Variants in TCF20 observed in about 807,000 individuals in gnomAD.
The protein encoded by TCF20 is transcription factor 20.
A neutral mutation model predicts 148.6 loss-of-function variants in TCF20; 3 were observed. The observed-to-expected ratio is 0.02, with a 90% confidence interval of 0.01 to 0.05. The LOEUF (loss-of-function observed/expected upper bound fraction) is 0.05, where lower values mean the gene tolerates loss of function less well. Among genes scored for constraint, TCF20 ranks in the 10% least tolerant of loss-of-function variants. The pLI, the probability that TCF20 is intolerant of heterozygous loss-of-function variation, is 1.00. For synonymous variants in TCF20, 1,049 were observed against 909.5 expected (o/e 1.15, Z -2.76); for missense variants, 2,350 against 2,429.3 (o/e 0.97, Z 0.69).
chr22:42,173,671 G>A (rs1470994632), intron 3 of TCF20, among the ~76,000 whole-genome samples: 4 of 152,180 alleles, frequency 2.6e-5, no homozygotes. Flanking sequence ...CAAGAAGACT[G>A]TGTGGAATAA....
intron 2 of TCF20, among the ~76,000 whole-genome samples, chr22:42,193,038 G>C (rs148992782): frequency 3.0e-4 from 45 of 152,236 alleles, no homozygotes; most frequent in Admixed American, 2.0e-3. Context: ...GAAAGTTTTA[G>C]AACTATTGGT....
At chr22:42,227,112 G>A (rs1025665181) in intron 1 of TCF20, among the ~76,000 whole-genome samples, 7 of 152,090 alleles carry the variant, frequency 4.6e-5, no homozygotes, top group Non-Finnish European at 8.8e-5. Flanking sequence ...GTGAAACCCC[G>A]TCTCTACTAA....
chr22:42,340,738 G>A (rs1165607859), intron 1 of TCF20, among the ~76,000 whole-genome samples: 9 of 152,084 alleles, frequency 5.9e-5, no homozygotes, highest in Non-Finnish European at 1.0e-4. Flanking sequence ...TCATCAGGAC[G>A]CACAGCAAGG....
upstream of TCF20, among the ~76,000 whole-genome samples, chr22:42,287,376 A>G (rs1263371336): frequency 1.3e-5 from 2 of 152,140 alleles, no homozygotes; most frequent in African/African-American, 4.8e-5. Context: ...AGGCCCAGAG[A>G]ACGGAACTGA....
chr22:42,216,982 G>C (rs1167683596), intron 1 of TCF20, among the ~76,000 whole-genome samples: 1 of 152,200 alleles, frequency 6.6e-6, no homozygotes, highest in Non-Finnish European at 1.5e-5. Flanking sequence ...GGTAAAGTGA[G>C]GTGTAATAGA....
At chr22:42,227,622 G>C (rs1017275830) in intron 1 of TCF20, among the ~76,000 whole-genome samples, 1 of 152,132 alleles carries the variant, frequency 6.6e-6, no homozygotes, top group Admixed American at 6.5e-5. Flanking sequence ...TCTAGTCCAG[G>C]AGTCTACCCC....
intron 1 of TCF20, among the ~76,000 whole-genome samples, chr22:42,323,903 A>ATGGAGGTTATGGCGGTGGT (rs1927790276): frequency 1.8e-4 from 3 of 16,874 alleles, no homozygotes; most frequent in African/African-American, 2.3e-4. Flanking sequence ...ATGGTGGTGG[A>ATGGAGGTTATGGCGGTGGT]GGTGGTGGTG....
At chr22:42,304,204 A>C (rs549428704) in intron 1 of TCF20, among the ~76,000 whole-genome samples, 158 of 152,168 alleles carry the variant, frequency 1.0e-3, no homozygotes, top group Non-Finnish European at 1.3e-3. Context: ...AAGGGAGAAA[A>C]TATACAGCCA....
At chr22:42,167,425 G>T (rs1012548831) in intron 5 of TCF20, among the ~76,000 whole-genome samples, 4 of 152,206 alleles carry the variant, frequency 2.6e-5, no homozygotes, top group African/African-American at 9.7e-5. Context: ...CGACACAGAA[G>T]TCCTCCCATT....
At chr22:42,331,591 G>C (rs1005048812) in intron 1 of TCF20, among the ~76,000 whole-genome samples, 1 of 152,242 alleles carries the variant, frequency 6.6e-6, no homozygotes, top group African/African-American at 2.4e-5. Context: ...TTGGAGCTCT[G>C]AGGCTGTGGT....
At chr22:42,318,961 GACCT>G (rs1927684000) in intron 1 of TCF20, among the ~76,000 whole-genome samples, 1 of 152,178 alleles carries the variant, frequency 6.6e-6, no homozygotes, top group South Asian at 2.1e-4. Context: ...GCACTGCCCT[GACCT>G]GAGATCACTC....
chr22:42,271,338 C>T (rs1926612883), upstream of TCF20, among the ~76,000 whole-genome samples: 1 of 152,244 alleles, frequency 6.6e-6, no homozygotes, highest in East Asian at 1.9e-4. Flanking sequence ...TCTGCTGCGG[C>T]ATTAAGAAGC....
chr22:42,324,867 G>T (rs958022784), intron 1 of TCF20, among the ~76,000 whole-genome samples: 11 of 152,226 alleles, frequency 7.2e-5, no homozygotes, highest in African/African-American at 2.7e-4. Flanking sequence ...AGGACCCAGA[G>T]GCCCTGAGGG....
intron 2 of TCF20, among the ~76,000 whole-genome samples, chr22:42,188,454 G>C (rs987366275): frequency 6.6e-6 from 1 of 152,128 alleles, no homozygotes. Flanking sequence ...TTATTCTACT[G>C]AATGTGAAGA....
At chr22:42,294,418 GA>G (rs1423280331) in intron 1 of TCF20, among the ~76,000 whole-genome samples, 6 of 152,202 alleles carry the variant, frequency 3.9e-5, no homozygotes, top group Non-Finnish European at 8.8e-5. Context: ...GAAGACTAAA[GA>G]CTCCAGGAGC....
chr22:42,287,890 A>G (rs555467403), upstream of TCF20, among the ~76,000 whole-genome samples: 5 of 152,346 alleles, frequency 3.3e-5, no homozygotes, highest in South Asian at 2.1e-4. Flanking sequence ...GAAAAGAAAA[A>G]AAAGTCCTGC....
rs554848062 is a variant in TCF20 at position 42,236,732 on chromosome 22, T to C, written c.-36-21391A>G. Among the ~76,000 whole-genome samples, 20 of 152,284 alleles carry C rather than the reference T, an allele frequency of 1.3e-4. 1 individual carries two copies. Among genetic ancestry groups the C allele is most frequent in the African/African-American group, 4.6e-4 (19 of 41,570 alleles). ...GAAAAATCAGCCACAAGCATAACAT[T>C]GCAGGTATTGTGGGTCTGGTTCCAG... On this transcript the variant is annotated intron_variant, in intron 1 of 5. Transcript: ENST00000677622.
intron 1 of TCF20, among the ~76,000 whole-genome samples, chr22:42,243,527 T>C (rs1924649175): frequency 6.6e-6 from 1 of 151,690 alleles, no homozygotes; most frequent in Non-Finnish European, 1.5e-5. Flanking sequence ...GCTTGAACCC[T>C]GGAGGTGGAG....
intron 4 of TCF20, among the ~76,000 whole-genome samples, chr22:42,169,311 G>C (rs535731904): frequency 4.6e-4 from 70 of 152,086 alleles, no homozygotes; most frequent in African/African-American, 1.6e-3. Context: ...CCTAAAGGAA[G>C]CGACCACGAG....
Sources: allele counts gnomAD v4.1 joint callset (sites outside exome capture counted in the v4.1 genomes callset), GRCh38; gene constraint gnomAD v4.1.1; transcripts MANE v1.5; gene names NCBI Gene and HGNC (gene_info 2026-07-23, HGNC 2026-07-21).